Variants in RIN3 observed in about 807,000 individuals in gnomAD.
The protein encoded by RIN3 is RAB5 interacting protein 3.
A neutral mutation model predicts 76.3 loss-of-function variants in RIN3; 54 were observed. The ratio of observed to expected loss-of-function variants is 0.71; its 90% CI spans 0.57 to 0.89. The LOEUF is 0.89. Ranked by LOEUF, RIN3 falls within the 40% of genes least tolerant of loss-of-function variation. RIN3 has a pLI of 0.00. For missense variants in RIN3, 1,256 were observed against 1,322.1 expected, an observed-to-expected ratio of 0.95 and a Z score of 0.78; for synonymous variants, 576 against 564.0, an observed-to-expected ratio of 1.02 and a Z score of -0.30.
chr14:92,533,544 G>A (rs1896929328), intron 1 of RIN3, among the ~76,000 whole-genome samples: 1 of 152,188 alleles, frequency 6.6e-6, no homozygotes, highest in Admixed American at 6.5e-5. Context: ...GCAATAAAAA[G>A]GAGTGAATTA....
chr14:92,629,074 G>C (rs550676392), intron 4 of RIN3, among the ~76,000 whole-genome samples: 1 of 151,916 alleles, frequency 6.6e-6, no homozygotes, highest in Non-Finnish European at 1.5e-5. Context: ...AGTTGCTTTC[G>C]TATTTAGGCG....
At chr14:92,625,710 G>T (rs1448388637) in intron 4 of RIN3, among the ~76,000 whole-genome samples, 2 of 152,190 alleles carry the variant, frequency 1.3e-5, no homozygotes, top group African/African-American at 4.8e-5. Context: ...GTAGCTGAGG[G>T]TCTGGGTCCG....
At chr14:92,676,686 C>G in intron 8 of RIN3, 80 bp downstream of exon 8, 1 of 1,486,794 alleles carries the variant, frequency 6.7e-7, no homozygotes, top group Non-Finnish European at 9.2e-7. Flanking sequence ...GGTGGCCCAA[C>G]AAGCACCTCC....
rs1323667492 is a variant in RIN3 at position 92,656,213 on chromosome 14, AGTGGAAGGACTTTCCTTCCGGAAAGGGAT to A, written c.2027-2946_2027-2918del. On this transcript the variant is annotated intron_variant, in intron 6 of 9. Coordinates refer to ENST00000216487, the MANE Select transcript of RIN3 (RefSeq NM_024832.5). The surrounding 1 kb of genome is among the most constrained non-coding windows in gnomAD (Gnocchi z 5.2). ...AGGGATGCTAAGCCGTGGAAAGGGT[AGTGGAAGGACTTTCCTTCCGGAAAGGGAT>A]GACAGCGTGGACAAAGGCCGAGAGG... Among the ~76,000 whole-genome samples the A allele has an allele frequency of 2.0e-5, 3 of 152,192 alleles. No individual in the cohort carries two copies. The highest frequency in any genetic ancestry group is 4.4e-5 in the Non-Finnish European group (3 of 68,036).
intron 1 of RIN3, among the ~76,000 whole-genome samples, chr14:92,545,547 T>G (rs1315471576): frequency 7.2e-6 from 1 of 139,170 alleles, no homozygotes; most frequent in Non-Finnish European, 1.5e-5. Flanking sequence ...GCACTCTTTC[T>G]TTCTCCCTCT....
chr14:92,661,756 C>CAAAAAAAA (rs1195736886), intron 7 of RIN3, among the ~76,000 whole-genome samples: 14 of 118,798 alleles, frequency 1.2e-4, no homozygotes, highest in African/African-American at 3.3e-4. Flanking sequence ...CACACACACA[C>CAAAAAAAA]ACAAAAAATA....
intron 3 of RIN3, among the ~76,000 whole-genome samples, chr14:92,593,306 T>C (rs1595441397): frequency 6.6e-6 from 1 of 152,334 alleles, no homozygotes; most frequent in East Asian, 1.9e-4. Context: ...ATATGGTAGA[T>C]GTCAATCCAG....
At chr14:92,527,591 C>T (rs1033282302) in intron 1 of RIN3, among the ~76,000 whole-genome samples, 3 of 152,178 alleles carry the variant, frequency 2.0e-5, no homozygotes, top group Non-Finnish European at 4.4e-5. Context: ...GACAAACAGA[C>T]AGCCATGCAA....
intron 1 of RIN3, among the ~76,000 whole-genome samples, chr14:92,555,123 A>T (rs146957950): frequency 1.4e-4 from 22 of 152,306 alleles, no homozygotes; most frequent in African/African-American, 5.3e-4. Flanking sequence ...AGGTGTAGAC[A>T]TATGTAAAAA....
At chr14:92,526,960 CT>C (rs1896749508) in intron 1 of RIN3, among the ~76,000 whole-genome samples, 1 of 152,014 alleles carries the variant, frequency 6.6e-6, no homozygotes, top group Admixed American at 6.5e-5. Flanking sequence ...CCTGGGGTCC[CT>C]TGGCTCGTGG....
chr14:92,619,353 C>A (rs1176383944), intron 4 of RIN3, among the ~76,000 whole-genome samples: 1 of 149,682 alleles, frequency 6.7e-6, no homozygotes, highest in African/African-American at 2.5e-5. Context: ...AAGTAGAAAC[C>A]TTTTATAACC....
chr14:92,556,842 A>C (rs1897598306), intron 2 of RIN3, among the ~76,000 whole-genome samples: 1 of 152,158 alleles, frequency 6.6e-6, no homozygotes, highest in African/African-American at 2.4e-5. Context: ...CTGTAACCAA[A>C]CTCACTCCCC....
chr14:92,661,901 G>C (rs1044024302), intron 7 of RIN3, among the ~76,000 whole-genome samples: 1 of 152,272 alleles, frequency 6.6e-6, no homozygotes, highest in Non-Finnish European at 1.5e-5. Flanking sequence ...TGTTTTCACA[G>C]AGTGGACATT....
At chr14:92,662,095 A>C (rs774462754) in intron 7 of RIN3, among the ~76,000 whole-genome samples, 19 of 152,238 alleles carry the variant, frequency 1.2e-4, no homozygotes, top group Admixed American at 1.2e-3. Context: ...GCTGGGACCC[A>C]GGGAAAGAGT....
intron 2 of RIN3, among the ~76,000 whole-genome samples, chr14:92,570,189 C>G (rs1898025075): frequency 6.6e-6 from 1 of 151,950 alleles, no homozygotes; most frequent in African/African-American, 2.4e-5. Context: ...AGCCTCAGCT[C>G]CCACCCTGGC....
chr14:92,571,397 T>C (rs1020951797), intron 2 of RIN3, among the ~76,000 whole-genome samples: 1 of 152,246 alleles, frequency 6.6e-6, no homozygotes, highest in African/African-American at 2.4e-5. Flanking sequence ...GGAAATCAGC[T>C]GCAGAAGTTG....
At chr14:92,567,363 G>A (rs1223886854) in intron 2 of RIN3, among the ~76,000 whole-genome samples, 1 of 152,152 alleles carries the variant, frequency 6.6e-6, no homozygotes, top group Non-Finnish European at 1.5e-5. Flanking sequence ...TTTGGGCTGG[G>A]TTCAGCTGAG....
In RIN3 at chr14:92,688,286, C is replaced by T; in HGVS notation, c.*34C>T. 1 of 1,498,594 alleles carries T rather than the reference C, an allele frequency of 6.7e-7. No individual in the cohort carries two copies. Among genetic ancestry groups the T allele is most frequent in the South Asian group, 1.3e-5 (1 of 79,620 alleles). 92.8% of individuals were successfully genotyped at this position (1,498,594 alleles called of 1,614,324 possible). A position where few individuals can be genotyped will look rare whatever the true frequency, so the allele number is the denominator to read the frequency against. On this transcript the variant is annotated 3_prime_UTR_variant, in exon 10 of 10. Coordinates refer to ENST00000216487, the MANE Select transcript of RIN3 (RefSeq NM_024832.5). Reference sequence around the variant, plus strand: ...CGGGGCGCCTCCCCTCACCCCCAGGCGCACGTCTGGCCCCGCCTCTGGCTG... The same window carrying T: ...CGGGGCGCCTCCCCTCACCCCCAGGTGCACGTCTGGCCCCGCCTCTGGCTG...
At chr14:92,642,058 T>C (rs1887034070) in intron 5 of RIN3, among the ~76,000 whole-genome samples, 1 of 152,166 alleles carries the variant, frequency 6.6e-6, no homozygotes, top group East Asian at 1.9e-4. Flanking sequence ...CCTGCCTCTT[T>C]CAGTGTGTGT....
Sources: gnomAD v4.1 joint callset for allele counts (sites outside exome capture counted in the v4.1 genomes callset) on GRCh38, gnomAD v4.1.1 for gene constraint, Gnocchi (gnomAD v3.1) non-coding constraint, MANE v1.5 for transcripts, NCBI Gene and HGNC (gene_info 2026-07-23, HGNC 2026-07-21) for gene names.